Variants in MLIP observed in about 807,000 individuals in gnomAD.
The protein encoded by MLIP is muscular LMNA interacting protein.
Under a neutral mutation model 84.8 loss-of-function variants are expected in MLIP, and 79 were observed. That is an observed-to-expected ratio of 0.93 (90% CI 0.78 to 1.12). MLIP has a LOEUF of 1.12. Ranked by LOEUF, MLIP falls within the 50% of genes most tolerant of loss-of-function variation. The pLI is 0.00. For synonymous variants in MLIP, 504 were observed against 463.0 expected (o/e 1.09, Z -1.14); for missense variants, 1,257 against 1,160.6 (o/e 1.08, Z -1.21).
intron 12 of MLIP, among the ~76,000 whole-genome samples, chr6:54,236,084 G>T (rs956319378): frequency 6.6e-6 from 1 of 152,064 alleles, no homozygotes; most frequent in Non-Finnish European, 1.5e-5. Context: ...TCTCTGTTCT[G>T]TTCATGTCCC....
intron 12 of MLIP, among the ~76,000 whole-genome samples, chr6:54,243,298 A>G (rs1176164591): frequency 6.6e-6 from 1 of 152,190 alleles, no homozygotes; most frequent in Non-Finnish European, 1.5e-5. Context: ...CAGCAAGCAT[A>G]GACATACAGA....
At chr6:54,154,065 A>G (rs1221284524) in intron 5 of MLIP, among the ~76,000 whole-genome samples, 5 of 152,080 alleles carry the variant, frequency 3.3e-5, no homozygotes, top group African/African-American at 1.2e-4. Context: ...GCATAATTTA[A>G]AAAAATTATC....
intron 11 of MLIP, among the ~76,000 whole-genome samples, chr6:54,228,994 G>A (rs1279709860): frequency 2.0e-5 from 3 of 152,192 alleles, no homozygotes; most frequent in Non-Finnish European, 4.4e-5. Context: ...GACAAGTACT[G>A]CATATGTTCC....
chr6:54,257,373 A>C lies in MLIP; in HGVS notation c.2976+12A>C. The C allele has an allele frequency of 6.4e-7, 1 of 1,571,192 alleles. No individual in the cohort carries two copies. The highest frequency in any genetic ancestry group is 1.4e-5 in the African/African-American group (1 of 73,946). ...TTGATTCCAAAGAGGTAAATGTAAG[A>C]TAGGACTGGATATCTAATTATCCAT... On this transcript the variant is annotated intron_variant, in intron 13 of 13. Transcript: ENST00000502396.
At position 54,137,202 on chromosome 6, in the gene MLIP, A is replaced by C; in HGVS notation, c.1133A>C (p.Lys378Thr). 6.5e-7 allele frequency: 1 copy of C among 1,535,870 alleles called. No individual in the cohort carries two copies. The change falls in exon 4 of 14, where the codon AAA becomes ACA. Residue 378 changes from lysine to threonine, a missense_variant. Physicochemically the swap from Lys to Thr is moderately conservative, Grantham distance 78. Transcript: ENST00000502396. ...ACGCATTCACTCTCTCCGAGCCCCA[A>C]ACCATTTACCTCCTCTTTCCACGGC... ...IVTHSLSPSP[K>T]PFTSSFHGSS...
At chr6:54,031,180 TCA>T (rs760376840) in intron 1 of MLIP, among the ~76,000 whole-genome samples, 1 of 151,902 alleles carries the variant, frequency 6.6e-6, no homozygotes, top group Non-Finnish European at 1.5e-5. Context: ...ACTGTATTTT[TCA>T]GTTTTACTAA....
At chr6:54,207,308 C>CT (rs1168620595) in intron 11 of MLIP, among the ~76,000 whole-genome samples, 1 of 151,224 alleles carries the variant, frequency 6.6e-6, no homozygotes, top group Admixed American at 6.6e-5. Context: ...TAGTATATAT[C>CT]TTTTTTAAAA....
At chr6:54,081,764 C>G (rs1406514357) in intron 1 of MLIP, among the ~76,000 whole-genome samples, 2 of 152,080 alleles carry the variant, frequency 1.3e-5, no homozygotes, top group Non-Finnish European at 1.5e-5. Context: ...CTCGCCCCAG[C>G]AGACTTTTGG....
chr6:54,091,359 G>A (rs62397372), intron 1 of MLIP, among the ~76,000 whole-genome samples: 13,069 of 152,130 alleles, frequency 0.086, 612 homozygotes, highest in Middle Eastern at 0.13. Flanking sequence ...GGAAAATTAT[G>A]GAAAATTATG....
chr6:54,242,232 G>T (rs1781788088), intron 12 of MLIP, among the ~76,000 whole-genome samples: 1 of 152,098 alleles, frequency 6.6e-6, no homozygotes, highest in African/African-American at 2.4e-5. Context: ...TGCTTCTTAG[G>T]CCATGAGCAT....
intron 11 of MLIP, among the ~76,000 whole-genome samples, chr6:54,223,829 A>C (rs1420670613): frequency 6.6e-6 from 1 of 152,096 alleles, no homozygotes; most frequent in Non-Finnish European, 1.5e-5. Flanking sequence ...ACTCGAAAAA[A>C]TAGAAAATAA....
intron 3 of MLIP, among the ~76,000 whole-genome samples, chr6:54,129,087 A>G (rs1169879329): frequency 6.6e-6 from 1 of 152,168 alleles, no homozygotes; most frequent in Non-Finnish European, 1.5e-5. Context: ...AGGTCCTGAC[A>G]TGAAATTCTG....
chr6:54,028,309 C>G (rs1376317905), intron 1 of MLIP, among the ~76,000 whole-genome samples: 1 of 151,916 alleles, frequency 6.6e-6, no homozygotes, highest in African/African-American at 2.4e-5. Context: ...TCAAAATAGG[C>G]CTAGTACCCT....
intron 1 of MLIP, among the ~76,000 whole-genome samples, chr6:54,025,089 T>G (rs1763723292): frequency 6.6e-6 from 1 of 151,642 alleles, no homozygotes; most frequent in Non-Finnish European, 1.5e-5. Context: ...GCTCAGGCAC[T>G]CTGCCCGCCT....
chr6:54,244,964 T>C (rs959292563), intron 12 of MLIP, among the ~76,000 whole-genome samples: 1 of 152,096 alleles, frequency 6.6e-6, no homozygotes, highest in Non-Finnish European at 1.5e-5. Context: ...AGGATAACAG[T>C]TTTATACTTT....
intron 10 of MLIP, among the ~76,000 whole-genome samples, chr6:54,199,405 A>G (rs1778518096): frequency 1.3e-5 from 2 of 152,262 alleles, no homozygotes; most frequent in South Asian, 2.1e-4. Context: ...TATCTAAAAT[A>G]TTGAGTTCAG....
At chr6:54,196,645 C>T (rs1158373545) in intron 10 of MLIP, among the ~76,000 whole-genome samples, 1 of 151,924 alleles carries the variant, frequency 6.6e-6, no homozygotes, top group Non-Finnish European at 1.5e-5. Flanking sequence ...TTATAGACTC[C>T]ATATTGAATT....
chr6:54,240,672 G>A (rs77749137), intron 12 of MLIP, among the ~76,000 whole-genome samples: 2,112 of 152,230 alleles, frequency 0.014, 51 homozygotes, highest in African/African-American at 0.049. Context: ...TATCTGGGGA[G>A]CTTTAGAAAA....
chr6:54,184,581 G>C (rs548407388), intron 9 of MLIP, among the ~76,000 whole-genome samples: 9 of 152,248 alleles, frequency 5.9e-5, no homozygotes, highest in Admixed American at 5.2e-4. Flanking sequence ...AGCTGGCTTT[G>C]GGCAAGTGGT....
Sources: gnomAD v4.1 joint callset for allele counts (sites outside exome capture counted in the v4.1 genomes callset) on GRCh38, gnomAD v4.1.1 for gene constraint, MANE v1.5 for transcripts, NCBI Gene and HGNC (gene_info 2026-07-23, HGNC 2026-07-21) for gene names.